DENND2B: variants seen among roughly 807,000 people sequenced by gnomAD.
The protein encoded by DENND2B is DENN domain-containing protein 2B.
In DENND2B, 32 loss-of-function variants were observed where a neutral mutation model predicts 116.0. The observed-to-expected ratio is 0.28, with a 90% CI of 0.21 to 0.37. The LOEUF is 0.37. DENND2B is among the 10% of genes least tolerant of loss of function. The pLI is 1.00. For synonymous variants in DENND2B, 588 were observed against 583.9 expected (o/e 1.01, Z -0.10); for missense variants, 1,276 against 1,477.7 (o/e 0.86, Z 2.24).
At chr11:8,874,471 G>A (rs374976560), upstream of DENND2B, among the ~76,000 whole-genome samples, 9 of 152,206 alleles carry the variant, frequency 5.9e-5, no homozygotes, top group Middle Eastern at 3.4e-3. Context: ...GGGTTTTCTG[G>A]TTCATGGATT....
At chr11:8,900,356 C>T (rs1205646175) in intron 1 of DENND2B, among the ~76,000 whole-genome samples, 28 of 148,788 alleles carry the variant, frequency 1.9e-4, no homozygotes, top group African/African-American at 3.4e-4. Context: ...GACATGAACC[C>T]GGGAGGTGGA....
chr11:8,907,329 T>C (rs2064251577), intron 1 of DENND2B, among the ~76,000 whole-genome samples: 1 of 152,246 alleles, frequency 6.6e-6, no homozygotes, highest in Non-Finnish European at 1.5e-5. Context: ...CCAGTGGCTT[T>C]CATTTGGCGT....
chr11:8,707,692 G>GT lies in DENND2B; in HGVS notation c.2430+84dup. On this transcript the variant is annotated intron_variant, in intron 12 of 19. Transcript: ENST00000313726. This position sits in a 1 kb window ranked among gnomAD's most constrained non-coding sequence, Gnocchi z 4.8. ...TCCCGCTCGCTCACAGTCACAGGTG[G>GT]TTTTCTCATCTAAGCTGGCTGCAGA... The GT allele has an allele frequency of 2.2e-6, 3 of 1,363,940 alleles. No individual in the cohort carries two copies. In the South Asian group the frequency reaches 3.9e-5, roughly 18 times the overall value. The allele number at this position is 1,363,940 out of a possible 1,614,324, so 84.5% of individuals were successfully genotyped here.
intron 1 of DENND2B, among the ~76,000 whole-genome samples, chr11:8,755,209 A>T (rs900280595): frequency 3.9e-5 from 6 of 152,160 alleles, no homozygotes; most frequent in Admixed American, 2.0e-4. Context: ...TCTCCCTCTG[A>T]TTGGTATCCT....
At chr11:8,818,405 G>C (rs1197197023) in intron 4 of DENND2B, among the ~76,000 whole-genome samples, 2 of 151,912 alleles carry the variant, frequency 1.3e-5, no homozygotes, top group African/African-American at 2.4e-5. Flanking sequence ...GAAGAGGTAG[G>C]GTATTAAGAG....
In DENND2B at chr11:8,702,144, G is replaced by A. The variant is rs763731963; in HGVS notation, c.2720+428C>T. ...GCTCAGCATTCCTCACACTGTCCCC[G>A]GTCAGTGCTCTTGCCCCTTCCTCAC... is the stretch of plus-strand genomic sequence containing the variant. On this transcript the variant is annotated intron_variant, in intron 14 of 19. Transcript: ENST00000313726. This position sits in a 1 kb window ranked among gnomAD's most constrained non-coding sequence, Gnocchi z 4.6. 3.3e-5 allele frequency among the ~76,000 whole-genome samples: 5 copies of A among 152,028 alleles called. No individual in the cohort carries two copies. Among genetic ancestry groups the A allele is most frequent in the African/African-American group, 4.8e-5 (2 of 41,384 alleles).
chr11:8,786,840 C>CA (rs139158870), intron 1 of DENND2B, among the ~76,000 whole-genome samples: 3,103 of 150,602 alleles, frequency 0.021, 95 homozygotes, highest in African/African-American at 0.068. Context: ...AAACAAACAA[C>CA]AAAAAAAAAC....
intron 4 of DENND2B, among the ~76,000 whole-genome samples, chr11:8,818,261 T>A (rs1164218511): frequency 1.5e-5 from 2 of 129,430 alleles, no homozygotes; most frequent in African/African-American, 5.7e-5. Flanking sequence ...AGACTCTGTC[T>A]CTAATAATAA....
intron 2 of DENND2B, among the ~76,000 whole-genome samples, chr11:8,870,522 T>C (rs1431660012): frequency 6.6e-6 from 1 of 151,578 alleles, no homozygotes; most frequent in Admixed American, 6.6e-5. Flanking sequence ...TGTGTGTGTG[T>C]GTGCGCGCGC....
At chr11:8,704,736 C>T (rs2042301422) in intron 13 of DENND2B, among the ~76,000 whole-genome samples, 2 of 152,160 alleles carry the variant, frequency 1.3e-5, no homozygotes, top group Admixed American at 6.5e-5. Context: ...CTCGCTTTGT[C>T]GCCCAGGCTG....
At chr11:8,768,816 A>C (rs551397358) in intron 1 of DENND2B, 1 of 152,602 alleles carries the variant, frequency 6.6e-6, no homozygotes, top group Admixed American at 6.5e-5. Context: ...TGCTCTTTGT[A>C]ATGAGGTATG....
At chr11:8,714,125 C>G (rs2044286743) in intron 7 of DENND2B, 83 bp from the exon 8 acceptor site, 2 of 1,378,056 alleles carry the variant, frequency 1.5e-6, no homozygotes, top group South Asian at 2.3e-5. Context: ...GCTTTTCTCA[C>G]AGGGGATGGA....
At chr11:8,799,432 T>A (rs1405297196) in intron 1 of DENND2B, among the ~76,000 whole-genome samples, 1 of 152,114 alleles carries the variant, frequency 6.6e-6, no homozygotes, top group African/African-American at 2.4e-5. Context: ...TTCAAAAGCC[T>A]CAATTCTCAG....
At chr11:8,898,424 A>T (rs774494990) in intron 1 of DENND2B, among the ~76,000 whole-genome samples, 17 of 152,218 alleles carry the variant, frequency 1.1e-4, no homozygotes, top group Non-Finnish European at 2.2e-4. Context: ...GAAAAAATTA[A>T]GAAAAGATGT....
intron 1 of DENND2B, among the ~76,000 whole-genome samples, chr11:8,804,784 T>A (rs1593958221): frequency 6.6e-6 from 1 of 151,990 alleles, no homozygotes; most frequent in Non-Finnish European, 1.5e-5. Flanking sequence ...CCTCAAGTGA[T>A]CCACCCACCT....
At chr11:8,799,561 C>CT (rs67190732) in intron 1 of DENND2B, among the ~76,000 whole-genome samples, 30,867 of 113,486 alleles carry the variant, frequency 0.27, 4,089 homozygotes, top group East Asian at 0.49. Context: ...TCCTTTTTCT[C>CT]TTTTTTTTTT....
chr11:8,722,441 G>T (rs929370183), intron 4 of DENND2B, among the ~76,000 whole-genome samples: 3 of 152,292 alleles, frequency 2.0e-5, no homozygotes, highest in South Asian at 2.1e-4. Flanking sequence ...TCACCCCACA[G>T]AGCACAGGCT....
chr11:8,839,802 C>T (rs1402436641), intron 3 of DENND2B, among the ~76,000 whole-genome samples: 2 of 152,266 alleles, frequency 1.3e-5, no homozygotes, highest in East Asian at 1.9e-4. Flanking sequence ...AGGAGCAGAC[C>T]AGACTCTGGG....
intron 1 of DENND2B, among the ~76,000 whole-genome samples, chr11:8,889,007 G>A (rs2063993753): frequency 2.0e-5 from 3 of 152,094 alleles, no homozygotes; most frequent in Admixed American, 6.5e-5. Context: ...AGTCATTGTG[G>A]AAAACAGTAT....
Sources: gnomAD v4.1 joint callset for allele counts (sites outside exome capture counted in the v4.1 genomes callset) on GRCh38, gnomAD v4.1.1 for gene constraint, Gnocchi (gnomAD v3.1) non-coding constraint, MANE v1.5 for transcripts, NCBI Gene and HGNC (gene_info 2026-07-23, HGNC 2026-07-21) for gene names.